CAMK4: variants seen among roughly 807,000 people sequenced by gnomAD.
CAMK4 encodes calcium/calmodulin-dependent protein kinase type IV.
A neutral mutation model predicts 44.9 loss-of-function variants in CAMK4; 22 were observed. That is an observed-to-expected ratio of 0.49 (90% CI 0.35 to 0.70). CAMK4 has a LOEUF of 0.70. Among genes scored for constraint, CAMK4 ranks in the 30% least tolerant of loss-of-function variants. The pLI is 0.01. For missense variants in CAMK4, 498 were observed against 586.8 expected (o/e 0.85, Z 1.56); for synonymous variants, 218 against 215.4 (o/e 1.01, Z -0.11).
At chr5:111,228,148 A>G (rs183219824) in intron 1 of CAMK4, among the ~76,000 whole-genome samples, 2 of 152,348 alleles carry the variant, frequency 1.3e-5, no homozygotes, top group Admixed American at 1.3e-4. Context: ...ATGTTGAAAG[A>G]AAAGATGATA....
intron 2 of CAMK4, among the ~76,000 whole-genome samples, chr5:111,354,330 T>C (rs1462527522): frequency 6.6e-6 from 1 of 152,078 alleles, no homozygotes; most frequent in East Asian, 1.9e-4. Context: ...AAACTTTCAG[T>C]TGTGTAAAAT....
At chr5:111,452,473 G>T (rs1477006933) in intron 7 of CAMK4, among the ~76,000 whole-genome samples, 4 of 151,954 alleles carry the variant, frequency 2.6e-5, no homozygotes, top group Admixed American at 1.3e-4. Context: ...AGGGGGAAAG[G>T]GATAGAAAGA....
At position 111,290,152 on chromosome 5, in the gene CAMK4, AC is replaced by A. The variant is rs1276994450; in HGVS notation, c.162-53869del. The stretch of plus-strand genomic sequence containing the variant: ...TATATGCCATTGGTTCAACACATAA[AC>A]CCTGTTTTGGAGTATAGACGCCTGC... On this transcript the variant is annotated intron_variant, in intron 1 of 10. Transcript: ENST00000282356. This position sits in a 1 kb window ranked among gnomAD's most constrained non-coding sequence, Gnocchi z 4.5. 3.3e-5 allele frequency among the ~76,000 whole-genome samples: 5 copies of A among 152,042 alleles called. No individual in the cohort carries two copies. Among genetic ancestry groups the A allele is most frequent in the Admixed American group, 3.3e-4 (5 of 15,270 alleles).
intron 1 of CAMK4, among the ~76,000 whole-genome samples, chr5:111,296,658 T>G (rs1381025966): frequency 6.6e-6 from 1 of 152,074 alleles, no homozygotes; most frequent in Non-Finnish European, 1.5e-5. Flanking sequence ...TTGAAAGAAA[T>G]TGGGCTTAGG....
intron 2 of CAMK4, among the ~76,000 whole-genome samples, chr5:111,349,944 A>G (rs770913461): frequency 1.2e-4 from 19 of 152,004 alleles, no homozygotes; most frequent in Non-Finnish European, 2.1e-4. Flanking sequence ...CTCATGAAAT[A>G]CCTAGTATTG....
intron 5 of CAMK4, among the ~76,000 whole-genome samples, chr5:111,433,577 G>A (rs929940788): frequency 6.6e-6 from 1 of 152,176 alleles, no homozygotes; most frequent in Non-Finnish European, 1.5e-5. Context: ...TACCCAGAAC[G>A]AAAGGAAGGA....
Position 111,374,840 on chromosome 5 carries a change from T to G in CAMK4, c.241-10T>G. On this transcript the variant is annotated splice_polypyrimidine_tract_variant and intron_variant, in intron 2 of 10. Coordinates refer to ENST00000282356, the MANE Select transcript of CAMK4 (RefSeq NM_001744.6). ...TTCTTTCAGTTTATCTCTTTTATTT[T>G]GCCTTTTAGGTGGACAAAAAAATCG... The G allele has an allele frequency of 6.3e-7, 1 of 1,584,074 alleles. No homozygotes were observed. Among genetic ancestry groups the G allele is most frequent in the East Asian group, 2.2e-5 (1 of 44,594 alleles).
intron 8 of CAMK4, among the ~76,000 whole-genome samples, chr5:111,478,105 TA>T (rs1354667429): frequency 1.3e-5 from 2 of 151,144 alleles, no homozygotes; most frequent in African/African-American, 4.8e-5. Context: ...AGAATTATAA[TA>T]ATAATTATTA....
At chr5:111,458,642 A>T (rs149177490) in intron 7 of CAMK4, among the ~76,000 whole-genome samples, 165 of 152,322 alleles carry the variant, frequency 1.1e-3, no homozygotes, top group African/African-American at 3.8e-3. Flanking sequence ...TAGAAATTAT[A>T]ATATAAAGTT....
chr5:111,422,535 A>G (rs1753070389), intron 5 of CAMK4, among the ~76,000 whole-genome samples: 1 of 152,200 alleles, frequency 6.6e-6, no homozygotes, highest in Non-Finnish European at 1.5e-5. Flanking sequence ...TTTAAGTCTC[A>G]TTCTGTACAA....
intron 5 of CAMK4, among the ~76,000 whole-genome samples, chr5:111,414,157 T>G (rs1020149422): frequency 2.0e-5 from 3 of 152,148 alleles, no homozygotes; most frequent in African/African-American, 7.2e-5. Flanking sequence ...CAGGGATAAT[T>G]AAGTGACTGA....
intron 5 of CAMK4, among the ~76,000 whole-genome samples, chr5:111,443,054 C>A (rs1300674634): frequency 2.7e-5 from 4 of 148,684 alleles, no homozygotes; most frequent in African/African-American, 4.9e-5. Context: ...GTTGATCTTT[C>A]TAATGTTTGT....
At chr5:111,429,539 C>T (rs1753354782) in intron 5 of CAMK4, among the ~76,000 whole-genome samples, 1 of 151,832 alleles carries the variant, frequency 6.6e-6, no homozygotes, top group Non-Finnish European at 1.5e-5. Context: ...GGCCCAGGTG[C>T]TCTCTATTTG....
At chr5:111,483,061 G>A in intron 10 of CAMK4, 124 bp downstream of exon 10, 1 of 792,272 alleles carries the variant, frequency 1.3e-6, no homozygotes, top group Non-Finnish European at 1.8e-6. Flanking sequence ...AAGGCACCAG[G>A]GAAAATCCTG....
chr5:111,322,973 CT>C (rs1348901667), intron 1 of CAMK4, among the ~76,000 whole-genome samples: 4 of 152,016 alleles, frequency 2.6e-5, no homozygotes, highest in Admixed American at 6.6e-5. Context: ...AGAAAAGCAA[CT>C]GGTAAAAAGG....
chr5:111,263,011 G>A (rs1405800226), intron 1 of CAMK4, among the ~76,000 whole-genome samples: 2 of 152,152 alleles, frequency 1.3e-5, no homozygotes, highest in Non-Finnish European at 2.9e-5. Flanking sequence ...TTAACCCCCT[G>A]GCTGAGTTGT....
intron 1 of CAMK4, among the ~76,000 whole-genome samples, chr5:111,279,198 C>A (rs1420101814): frequency 1.3e-5 from 2 of 152,126 alleles, no homozygotes; most frequent in Non-Finnish European, 1.5e-5. Flanking sequence ...ATACACTGAC[C>A]TGAGAAGTCG....
intron 5 of CAMK4, among the ~76,000 whole-genome samples, chr5:111,432,596 C>G (rs1753488916): frequency 6.8e-6 from 1 of 148,148 alleles, no homozygotes; most frequent in South Asian, 2.1e-4. Flanking sequence ...ATCAAAACAT[C>G]TCATGTACCT....
chr5:111,445,274 C>T lies in CAMK4; in HGVS notation c.460-1412C>T, dbSNP rs181984082. Among the ~76,000 whole-genome samples the T allele has an allele frequency of 1.2e-3, 186 of 152,074 alleles. 1 individual carries two copies. The highest frequency in any genetic ancestry group is 3.6e-3 in the African/African-American group (151 of 41,486). ...TTCAATAGAATACACTAAACTGATA[C>T]GAAGGTAAGCCTTCAAAGATATTTT... On this transcript the variant is annotated intron_variant, in intron 5 of 10. Coordinates refer to ENST00000282356, the MANE Select transcript of CAMK4 (RefSeq NM_001744.6).
Sources: allele counts gnomAD v4.1 joint callset (sites outside exome capture counted in the v4.1 genomes callset), GRCh38; gene constraint gnomAD v4.1.1; non-coding constraint Gnocchi (gnomAD v3.1); transcripts MANE v1.5; gene names NCBI Gene and HGNC (gene_info 2026-07-23, HGNC 2026-07-21).